MRGPRX3: variants seen among roughly 807,000 people sequenced by gnomAD.
MRGPRX3 encodes mas-related G protein-coupled receptor member X3.
In MRGPRX3, 14 loss-of-function variants were observed where a neutral mutation model predicts 16.5. The ratio of observed to expected loss-of-function variants is 0.85; its 90% CI spans 0.56 to 1.33. MRGPRX3 has a LOEUF of 1.33. Among genes scored for constraint, MRGPRX3 ranks in the 40% most tolerant of loss-of-function variants. The pLI, the probability that MRGPRX3 is intolerant of heterozygous loss-of-function variation, is 0.00. For synonymous variants in MRGPRX3, 199 were observed against 180.1 expected (o/e 1.10, Z -0.84); for missense variants, 449 against 413.0 (o/e 1.09, Z -0.76).
chr11:18,133,235 T>G (rs955854988), intron 1 of MRGPRX3, among the ~76,000 whole-genome samples: 15 of 152,172 alleles, frequency 9.9e-5, no homozygotes, highest in Non-Finnish European at 1.8e-4. Flanking sequence ...CAGCAATACA[T>G]AGGGGAGCAC....
In MRGPRX3 at chr11:18,137,992, A is replaced by C; in HGVS notation, c.790A>C (p.Asn264His). Residue 264 changes from asparagine (N) to histidine (H), a missense_variant, in exon 2 of 2, where the codon AAC becomes CAC. By Grantham distance (68) the Asn-to-His change is moderately conservative (BLOSUM62 1). Transcript: ENST00000621697. ...AGTTTCCATTTTCCTGTCCGCTCTT[A>C]ACAGCAGTGCCAACCCCATCATTTA... ...HLVSIFLSAL[N>H]SSANPIIYFF... The C allele has an allele frequency of 1.2e-6, 2 of 1,614,148 alleles. No individual in the cohort carries two copies. The highest frequency in any genetic ancestry group is 1.7e-6 in the Non-Finnish European group (2 of 1,180,020).
chr11:18,132,983 T>G, intron 1 of MRGPRX3, among the ~76,000 whole-genome samples: 1 of 152,208 alleles, frequency 6.6e-6, no homozygotes, highest in East Asian at 1.9e-4. Flanking sequence ...TCATTCAATC[T>G]GCCCTCATGG....
In MRGPRX3 at chr11:18,137,981, T is replaced by C. The variant is rs758641634; in HGVS notation, c.779T>C (p.Leu260Pro). 1 of 1,614,242 alleles carries C rather than the reference T, an allele frequency of 6.2e-7. No homozygotes were observed. The highest frequency in any genetic ancestry group is 1.1e-5 in the South Asian group (1 of 91,084). The change falls in exon 2 of 2, where the codon CTG (leucine) becomes CCG (proline). Residue 260 changes from leucine (L) to proline (P), a missense_variant. Transcript: ENST00000621697. ...FCHVHLVSIF[L>P]SALNSSANPI... ...CATGTGCATCTAGTTTCCATTTTCCTGTCCGCTCTTAACAGCAGTGCCAAC... is the reference window on the plus strand; with the variant it reads ...CATGTGCATCTAGTTTCCATTTTCCCGTCCGCTCTTAACAGCAGTGCCAAC...
chr11:18,124,874 C>T (rs903834262), intron 1 of MRGPRX3, among the ~76,000 whole-genome samples: 1 of 152,126 alleles, frequency 6.6e-6, no homozygotes, highest in Non-Finnish European at 1.5e-5. Context: ...GAGCCTGTTA[C>T]TGGTCTATTC....
chr11:18,134,285 G>A (rs1848988719), intron 1 of MRGPRX3, among the ~76,000 whole-genome samples: 1 of 152,160 alleles, frequency 6.6e-6, no homozygotes, highest in African/African-American at 2.4e-5. Context: ...GTGCCTCTGG[G>A]TCACTAGGTT....
Position 18,137,757 on chromosome 11 carries a change from T to G in MRGPRX3, c.555T>G (p.Val185=). The G allele has an allele frequency of 1.2e-6, 2 of 1,614,110 alleles. No homozygotes were observed. The highest frequency in any genetic ancestry group is 8.5e-7 in the Non-Finnish European group (1 of 1,180,026). The change falls in exon 2 of 2, where the codon GTT becomes GTG. Residue 185 remains valine, a synonymous_variant. Coordinates refer to ENST00000621697, the MANE Select transcript of MRGPRX3 (RefSeq NM_001370464.1). ...ATTTCATTACAATCGCGTGGCTGGTTTTTTTATGTGTGGTTCTCTGTGGGT... is the reference window on the plus strand; with the variant it reads ...ATTTCATTACAATCGCGTGGCTGGTGTTTTTATGTGTGGTTCTCTGTGGGT... The part of the protein sequence containing the change: ...TSDFITIAWL[V]FLCVVLCGSS...
chr11:18,129,405 T>C (rs944683757), upstream of MRGPRX3, among the ~76,000 whole-genome samples: 3 of 152,198 alleles, frequency 2.0e-5, no homozygotes, highest in African/African-American at 4.8e-5. Context: ...ACTATTGTGA[T>C]CACCTTTACA....
upstream of MRGPRX3, among the ~76,000 whole-genome samples, chr11:18,128,101 C>T (rs1848921407): frequency 6.6e-6 from 1 of 152,198 alleles, no homozygotes; most frequent in African/African-American, 2.4e-5. Flanking sequence ...TGGTGAACAG[C>T]AAATGTTGCT....
chr11:18,131,949 G>C (rs1037052808), upstream of MRGPRX3, among the ~76,000 whole-genome samples: 1 of 152,074 alleles, frequency 6.6e-6, no homozygotes, highest in Non-Finnish European at 1.5e-5. Flanking sequence ...TACACATTGG[G>C]TACAGTGTAC....
chr11:18,133,837 G>A (rs1848983970), intron 1 of MRGPRX3, among the ~76,000 whole-genome samples: 1 of 152,182 alleles, frequency 6.6e-6, no homozygotes, highest in Non-Finnish European at 1.5e-5. Flanking sequence ...AAATCCCAAG[G>A]TGCTTTCCTG....
upstream of MRGPRX3, among the ~76,000 whole-genome samples, chr11:18,130,393 G>A (rs1848949320): frequency 6.6e-6 from 1 of 152,246 alleles, no homozygotes; most frequent in African/African-American, 2.4e-5. Context: ...CAGTGACCAA[G>A]CTGAGAATCA....
chr11:18,137,065 T>C (rs1849013249), intron 1 of MRGPRX3, 113 bp from the exon 2 acceptor site: 1 of 1,143,778 alleles, frequency 8.7e-7, no homozygotes, highest in Non-Finnish European at 1.2e-6. Flanking sequence ...ACTTATTCTC[T>C]GCGAGTCTCT....
At chr11:18,128,104 A>G (rs545252863), upstream of MRGPRX3, among the ~76,000 whole-genome samples, 1 of 152,298 alleles carries the variant, frequency 6.6e-6, no homozygotes, top group South Asian at 2.1e-4. Flanking sequence ...TGAACAGCAA[A>G]TGTTGCTGCC....
chr11:18,137,056 C>T lies in MRGPRX3; in HGVS notation c.-25-122C>T, dbSNP rs532150710. 8.3e-6 allele frequency: 9 copies of T among 1,077,926 alleles called. No individual in the cohort carries two copies. The African/African-American group carries it at 9.5e-5, about 11-fold the overall frequency. 66.8% of individuals were successfully genotyped at this position (1,077,926 alleles called of 1,614,324 possible). A position where few individuals can be genotyped will look rare whatever the true frequency, so the allele number is the denominator to read the frequency against. ...AGGACCCCCACCTTTTGATAGGTGA[C>T]TTATTCTCTGCGAGTCTCTGATCTC... On this transcript the variant is annotated intron_variant, in intron 1 of 1. Transcript: ENST00000621697.
intron 1 of MRGPRX3, among the ~76,000 whole-genome samples, chr11:18,133,950 G>A (rs564583295): frequency 4.6e-5 from 7 of 152,212 alleles, no homozygotes; most frequent in African/African-American, 1.7e-4. Context: ...CCACTCTCTT[G>A]GGATGTCAAA....
At chr11:18,128,165 G>A (rs1241832158), upstream of MRGPRX3, among the ~76,000 whole-genome samples, 2 of 152,212 alleles carry the variant, frequency 1.3e-5, no homozygotes, top group African/African-American at 4.8e-5. Context: ...GCCATGTGAG[G>A]TGTCAGTCTG....
chr11:18,126,382 T>G (rs888726484), intron 1 of MRGPRX3, among the ~76,000 whole-genome samples: 5 of 152,180 alleles, frequency 3.3e-5, no homozygotes, highest in Admixed American at 3.3e-4. Flanking sequence ...TTTAGGGCAG[T>G]CCTGGTGGTG....
At chr11:18,132,090 C>A (rs1214024737), upstream of MRGPRX3, among the ~76,000 whole-genome samples, 1 of 152,078 alleles carries the variant, frequency 6.6e-6, no homozygotes, top group African/African-American at 2.4e-5. Flanking sequence ...TTTAATTTCA[C>A]AGAATTTAAA....
chr11:18,124,068 T>A (rs1206530595), intron 1 of MRGPRX3, among the ~76,000 whole-genome samples: 1 of 152,352 alleles, frequency 6.6e-6, no homozygotes, highest in Middle Eastern at 3.4e-3. Context: ...AATTTGCTTA[T>A]CAGCTTAAGG....
Sources: gnomAD v4.1 joint callset for allele counts (sites outside exome capture counted in the v4.1 genomes callset) on GRCh38, gnomAD v4.1.1 for gene constraint, MANE v1.5 for transcripts, NCBI Gene and HGNC (gene_info 2026-07-23, HGNC 2026-07-21) for gene names.